Variants in PIGT observed in about 807,000 individuals in gnomAD.
PIGT encodes GPI-anchor transamidase component PIGT.
In PIGT, 57 loss-of-function variants were observed where a neutral mutation model predicts 66.7. The ratio of observed to expected loss-of-function variants is 0.86; its 90% CI spans 0.69 to 1.07. PIGT has a LOEUF of 1.07. PIGT is among the 50% of genes least tolerant of loss of function. The pLI is 0.00. For synonymous variants in PIGT, 362 were observed against 320.5 expected, an observed-to-expected ratio of 1.13 and a Z score of -1.38; for missense variants, 725 against 740.4, an observed-to-expected ratio of 0.98 and a Z score of 0.24.
In PIGT at chr20:45,424,313, C is replaced by T. The variant is rs2145469311; in HGVS notation, c.1332C>T (p.Ile444=). Residue 444 remains isoleucine (I), a synonymous_variant, in exon 10 of 12, where the codon ATC becomes ATT. Coordinates refer to ENST00000279036, the MANE Select transcript of PIGT (RefSeq NM_015937.6). ...CCAACTCAGTCACCAAGGTTTCCAT[C>T]CAGTTTGAGCGGGCGCTGCTGAAGT... ...LPANSVTKVS[I]QFERALLKWT... 1 of 1,614,190 alleles carries T rather than the reference C, an allele frequency of 6.2e-7. No individual in the cohort carries two copies. The highest frequency in any genetic ancestry group is 2.2e-5 in the East Asian group (1 of 44,888).
intron 1 of PIGT, 74 bp downstream of exon 1, chr20:45,416,417 A>G: frequency 1.9e-6 from 3 of 1,555,714 alleles, no homozygotes; most frequent in East Asian, 2.3e-5. Context: ...GATGAAGGCA[A>G]ACTTTGGGGG....
rs375794670 is a variant in PIGT at position 45,418,975 on chromosome 20, C to T, written c.489C>T (p.Ala163=). 82 of 1,613,996 alleles carry T rather than the reference C, an allele frequency of 5.1e-5. No individual in the cohort carries two copies. The African/African-American group carries it at 1.1e-3, about 22-fold the overall frequency. The change falls in exon 3 of 12, where the codon GCC becomes GCT. Residue 163 remains alanine, a synonymous_variant. Coordinates refer to ENST00000279036, the MANE Select transcript of PIGT (RefSeq NM_015937.6). ...PTASFKPLGL[A]NDTDHYFLRY... ...CCTCCTTCAAACCCCTGGGTCTGGC[C>T]AATGGTGAGATAACCCCTACAGCCC...
At chr20:45,419,453 A>C (rs1990207333) in intron 4 of PIGT, 51 bp from the exon 5 acceptor site, 1 of 1,608,928 alleles carries the variant, frequency 6.2e-7, no homozygotes, top group Non-Finnish European at 8.5e-7. Context: ...CCTGCGCCCC[A>C]TGCCAAGTGC....
At position 45,425,595 on chromosome 20, in the gene PIGT, T is replaced by TA; in HGVS notation, c.1508dup (p.Asn503LysfsTer110). 6.2e-7 allele frequency: 1 copy of TA among 1,614,016 alleles called. No individual in the cohort carries two copies. The highest frequency in any genetic ancestry group is 8.5e-7 in the Non-Finnish European group (1 of 1,180,024). On this transcript the variant is annotated frameshift_variant, in exon 12 of 12. Transcript: ENST00000279036. LOFTEE classifies it high-confidence loss of function. Reference sequence around the variant, plus strand: ...CCAGGTTCCCAGTCTCTGATGGCTCTAACTACTTTGTGCGGCTCTACACGG... The same window carrying TA: ...CCAGGTTCCCAGTCTCTGATGGCTCTAAACTACTTTGTGCGGCTCTACACGG...
chr20:45,425,797 C>T lies in PIGT; in HGVS notation c.1708C>T (p.Arg570Trp), dbSNP rs747706718. ...GLAKRLANLIRRARGVPPL is the reference protein window; with the variant it reads ...GLAKRLANLIWRARGVPPL ...GGCCAAGCGGCTGGCCAACCTTATC[C>T]GGCGCGCCCGAGGTGTCCCCCCACT... The change falls in exon 12 of 12, where the codon CGG becomes TGG. Residue 570 changes from arginine to tryptophan, a missense_variant. Physicochemically the swap from Arg to Trp is moderately radical, Grantham distance 101. Around this residue, in one of 3 missense-constraint regions of PIGT, gnomAD observed 162 missense variants for 171.1 expected, o/e 0.95. Coordinates refer to ENST00000279036, the MANE Select transcript of PIGT (RefSeq NM_015937.6). The T allele has an allele frequency of 3.1e-6, 5 of 1,613,746 alleles. No homozygotes were observed. Among genetic ancestry groups the T allele is most frequent in the Admixed American group, 3.3e-5 (2 of 60,012 alleles).
intron 2 of PIGT, chr20:45,416,985 A>G: frequency 3.6e-6 from 1 of 277,938 alleles, no homozygotes; most frequent in East Asian, 7.0e-5. Flanking sequence ...ACCTTTTAAA[A>G]GGCATTCATT....
rs6032176 is a variant in PIGT at position 45,425,573 on chromosome 20, G to T, written c.1485-1G>T. The T allele has an allele frequency of 6.2e-7, 1 of 1,613,226 alleles. No individual in the cohort carries two copies. The highest frequency in any genetic ancestry group is 8.5e-7 in the Non-Finnish European group (1 of 1,179,716). On this transcript the variant is annotated splice_acceptor_variant, in intron 11 of 11. Transcript: ENST00000279036. LOFTEE classifies it high-confidence loss of function. The stretch of plus-strand genomic sequence containing the variant: ...TCTCACCGCTCTTCCCCTGACCCCA[G>T]GTTCCCAGTCTCTGATGGCTCTAAC...
At chr20:45,421,609 C>T (rs777452786) in intron 9 of PIGT, 26 bp downstream of exon 9, 8 of 1,596,224 alleles carry the variant, frequency 5.0e-6, no homozygotes, top group Non-Finnish European at 6.9e-6. Context: ...CTGAACCAGG[C>T]CCCCAGCCCG....
In PIGT at chr20:45,420,843, G is replaced by A. The variant is rs6094137; in HGVS notation, c.1033+150G>A. The A allele has an allele frequency of 4.8e-3, 3,778 of 780,692 alleles. 95 individuals carry two copies. The African/African-American group carries it at 0.058, about 12-fold the overall frequency. The allele number at this position is 780,692 out of a possible 1,614,324, so 48.4% of individuals were successfully genotyped here. ...TGACTGTAGCTATTCCAAGCTCTAC[G>A]ATTTTGGGTAGGTTCCTAAACTCCC... is the stretch of plus-strand genomic sequence containing the variant. On this transcript the variant is annotated intron_variant, in intron 8 of 11. Transcript: ENST00000279036.
In PIGT at chr20:45,419,425, C is replaced by CGG. The variant is rs3092108; in HGVS notation, c.594+35_594+36dup. Reference sequence around the variant, plus strand: ...GGCCGCAGAGCCTGGCAGCCGGGGGCGGGGGGTGTATAGAGAACCTGCGCC... The same window carrying CGG: ...GGCCGCAGAGCCTGGCAGCCGGGGGCGGGGGGGGTGTATAGAGAACCTGCGCC... On this transcript the variant is annotated intron_variant, in intron 4 of 11. Transcript: ENST00000279036. 162 of 1,602,670 alleles carry CGG rather than the reference C, an allele frequency of 1.0e-4. 1 individual carries two copies. The highest frequency in any genetic ancestry group is 1.7e-4 in the Middle Eastern group (1 of 6,032).
intron 2 of PIGT, chr20:45,417,426 CT>C (rs1334434100): frequency 6.6e-6 from 1 of 152,206 alleles, no homozygotes; most frequent in African/African-American, 2.4e-5. Context: ...GAGGACAGCT[CT>C]GCCACTCAGC....
intron 11 of PIGT, 166 bp from the exon 12 acceptor site, chr20:45,425,408 C>T (rs1990681540): frequency 2.9e-6 from 2 of 678,380 alleles, no homozygotes; most frequent in African/African-American, 1.8e-5. Flanking sequence ...CCCGCCGCTC[C>T]CCTTTATCAG....
chr20:45,424,834 T>G (rs1990608184), intron 11 of PIGT: 2 of 531,512 alleles, frequency 3.8e-6, no homozygotes, highest in South Asian at 4.3e-5. Context: ...CTTAAATATT[T>G]AATCAAGCAC....
intron 9 of PIGT, chr20:45,423,894 A>G (rs1990543211): frequency 3.0e-6 from 1 of 333,620 alleles, no homozygotes. Context: ...GGCAAGAAAA[A>G]TTCCCAGGTG....
intron 8 of PIGT, chr20:45,420,919 T>A: frequency 1.7e-6 from 1 of 584,628 alleles, no homozygotes; most frequent in Non-Finnish European, 3.1e-6. Flanking sequence ...GCAAATTGGA[T>A]GAGATGATGT....
chr20:45,425,141 C>CTTTCTT (rs1234095116), intron 11 of PIGT: 18 of 80,044 alleles, frequency 2.2e-4, no homozygotes, highest in Non-Finnish European at 3.0e-4. Flanking sequence ...TTCTTTCTTT[C>CTTTCTT]TCTTTCTTTC....
At chr20:45,419,024 G>A in intron 3 of PIGT, 45 bp downstream of exon 3, 1 of 1,612,352 alleles carries the variant, frequency 6.2e-7, no homozygotes. Context: ...CTTACCTCCT[G>A]CCCAAACCTT....
Position 45,425,971 on chromosome 20 carries a change from G to A in PIGT, c.*145G>A. On this transcript the variant is annotated 3_prime_UTR_variant, in exon 12 of 12. Coordinates refer to ENST00000279036, the MANE Select transcript of PIGT (RefSeq NM_015937.6). ...TCAGGGCCTACAGCTGTGTTGTCCA[G>A]TACAGGAGCCACGAGCCAAATGTGG... 1.2e-6 allele frequency: 1 copy of A among 859,084 alleles called. No homozygotes were observed. Among genetic ancestry groups the A allele is most frequent in the Non-Finnish European group, 1.7e-6 (1 of 571,880 alleles). The allele number at this position is 859,084 out of a possible 1,614,324, so 53.2% of individuals were successfully genotyped here. A position where few individuals can be genotyped will look rare whatever the true frequency, so the allele number is the denominator to read the frequency against.
At position 45,416,497 on chromosome 20, in the gene PIGT, A is replaced by G. The variant is rs748563889; in HGVS notation, c.188-20A>G. Reference sequence around the variant, plus strand: ...CCCGACGAGGTGGGGATCGTCACTCACCTGCTCCCGTTTCCCCAGTGTCCC... The same window carrying G: ...CCCGACGAGGTGGGGATCGTCACTCGCCTGCTCCCGTTTCCCCAGTGTCCC... On this transcript the variant is annotated intron_variant, in intron 1 of 11. Coordinates refer to ENST00000279036, the MANE Select transcript of PIGT (RefSeq NM_015937.6). 1.2e-5 allele frequency: 20 copies of G among 1,611,286 alleles called. No individual in the cohort carries two copies. Among genetic ancestry groups the G allele is most frequent in the Non-Finnish European group, 1.5e-5 (18 of 1,178,242 alleles).
Sources: allele counts gnomAD v4.1 joint callset, GRCh38; gene constraint gnomAD v4.1.1; regional missense constraint gnomAD v4.1.1; transcripts MANE v1.5; gene names NCBI Gene and HGNC (gene_info 2026-07-23, HGNC 2026-07-21).